Variants in PPP3CC observed in about 807,000 individuals in gnomAD.
PPP3CC encodes the protein protein phosphatase 3 catalytic subunit gamma.
A neutral mutation model predicts 60.3 loss-of-function variants in PPP3CC; 35 were observed. The ratio of observed to expected loss-of-function variants is 0.58; its 90% CI spans 0.44 to 0.77. The LOEUF is 0.77. Ranked by LOEUF, PPP3CC falls within the 30% of genes least tolerant of loss-of-function variation. PPP3CC has a pLI of 0.00. For synonymous variants in PPP3CC, 206 were observed against 224.3 expected (o/e 0.92, Z 0.73); for missense variants, 570 against 628.9 (o/e 0.91, Z 1.00).
At chr8:22,480,627 C>A (rs1041422453) in intron 3 of PPP3CC, among the ~76,000 whole-genome samples, 3 of 152,048 alleles carry the variant, frequency 2.0e-5, no homozygotes, top group Non-Finnish European at 4.4e-5. Context: ...TACAGCCCCC[C>A]ACCACCATGC....
intron 3 of PPP3CC, among the ~76,000 whole-genome samples, chr8:22,483,473 A>G (rs905334766): frequency 6.6e-6 from 1 of 152,050 alleles, no homozygotes; most frequent in Non-Finnish European, 1.5e-5. Flanking sequence ...TTTTTAGTAG[A>G]GACTGTGTTT....
intron 1 of PPP3CC, among the ~76,000 whole-genome samples, chr8:22,471,892 T>G (rs1308942047): frequency 1.3e-5 from 2 of 152,154 alleles, no homozygotes; most frequent in Non-Finnish European, 2.9e-5. Context: ...TTTGGGATGC[T>G]GAGGTCGGCA....
intron 4 of PPP3CC, among the ~76,000 whole-genome samples, chr8:22,501,922 G>A (rs1838773707): frequency 6.6e-6 from 1 of 152,232 alleles, no homozygotes; most frequent in Non-Finnish European, 1.5e-5. Context: ...GGCCAGTTAA[G>A]AAGCTGAGAC....
intron 3 of PPP3CC, among the ~76,000 whole-genome samples, chr8:22,491,006 G>A (rs1002000605): frequency 3.9e-5 from 6 of 152,062 alleles, no homozygotes; most frequent in African/African-American, 7.2e-5. Flanking sequence ...ACTACTATAC[G>A]TGCCTCTAGT....
chr8:22,443,428 C>T (rs1021961684), intron 1 of PPP3CC, among the ~76,000 whole-genome samples: 2 of 147,550 alleles, frequency 1.4e-5, no homozygotes, highest in South Asian at 2.1e-4. Context: ...GTCTGAGGCA[C>T]GAGAATTGCT....
At chr8:22,458,873 A>G (rs1310474794) in intron 1 of PPP3CC, among the ~76,000 whole-genome samples, 1 of 152,078 alleles carries the variant, frequency 6.6e-6, no homozygotes, top group African/African-American at 2.4e-5. Flanking sequence ...CCTACCTCTT[A>G]TTATTGAGAA....
chr8:22,501,886 G>A (rs936912335), intron 4 of PPP3CC, among the ~76,000 whole-genome samples: 1 of 152,178 alleles, frequency 6.6e-6, no homozygotes, highest in African/African-American at 2.4e-5. Flanking sequence ...CAGTCAGCCT[G>A]CATGGTGGTA....
At chr8:22,451,007 C>CTT (rs532339719) in intron 1 of PPP3CC, among the ~76,000 whole-genome samples, 8,631 of 131,868 alleles carry the variant, frequency 0.065, 315 homozygotes, top group South Asian at 0.17. Flanking sequence ...GCTAATTTTT[C>CTT]TTTTTTTTTT....
At chr8:22,497,264 G>A (rs1439556518) in intron 3 of PPP3CC, among the ~76,000 whole-genome samples, 4 of 151,938 alleles carry the variant, frequency 2.6e-5, no homozygotes, top group Admixed American at 1.3e-4. Flanking sequence ...CCCGACCTCC[G>A]GTGATCTGCC....
rs751177499 is a variant in PPP3CC at position 22,522,768 on chromosome 8, A to C, written c.943+19A>C. ...AATAAAGGTAAAGGAATCCAGCAAT[A>C]TTTGAGTTTGAATTTATGAGTAAAC... On this transcript the variant is annotated intron_variant, in intron 8 of 13. Transcript: ENST00000240139. The C allele has an allele frequency of 1.6e-5, 24 of 1,517,028 alleles. No individual in the cohort carries two copies. Among genetic ancestry groups the C allele is most frequent in the Non-Finnish European group, 2.1e-5 (23 of 1,094,032 alleles). The allele number at this position is 1,517,028 out of a possible 1,614,324, so 94.0% of individuals were successfully genotyped here.
intron 3 of PPP3CC, among the ~76,000 whole-genome samples, chr8:22,489,118 G>A (rs1158027032): frequency 6.6e-6 from 1 of 151,862 alleles, no homozygotes; most frequent in African/African-American, 2.4e-5. Context: ...AAGGTCAGTT[G>A]ACTTTTGGAG....
chr8:22,484,442 C>T (rs142002167), intron 3 of PPP3CC, among the ~76,000 whole-genome samples: 39 of 152,182 alleles, frequency 2.6e-4, no homozygotes, highest in Admixed American at 1.1e-3. Context: ...GTAAAACACT[C>T]ACCAATTTAT....
intron 3 of PPP3CC, among the ~76,000 whole-genome samples, chr8:22,485,812 A>G (rs1020868282): frequency 1.3e-5 from 2 of 152,216 alleles, no homozygotes; most frequent in Non-Finnish European, 2.9e-5. Context: ...GGTTTTATGA[A>G]AAAGCGAAAT....
chr8:22,532,240 G>T lies in PPP3CC; in HGVS notation c.1157G>T (p.Arg386Leu). ...ATTCTCTAAGGAAGCACTACAGTTC[G>T]TAAGGAGATCATCAGGAATAAGATC... ...DDEAEGSTTV[R>L]KEIIRNKIRA... Residue 386 changes from arginine (R) to leucine (L), a missense_variant, in exon 11 of 14, where the codon CGT becomes CTT. By Grantham distance (102) the Arg-to-Leu change is moderately radical. Transcript: ENST00000240139. The T allele has an allele frequency of 6.2e-7, 1 of 1,612,032 alleles. No individual in the cohort carries two copies. The highest frequency in any genetic ancestry group is 8.5e-7 in the Non-Finnish European group (1 of 1,178,158).
intron 3 of PPP3CC, among the ~76,000 whole-genome samples, chr8:22,490,349 A>T (rs1414044043): frequency 6.6e-6 from 1 of 152,128 alleles, no homozygotes; most frequent in Non-Finnish European, 1.5e-5. Context: ...TTCCCAGGTG[A>T]TGCTGTTTAC....
At chr8:22,459,100 A>G (rs1035894241) in intron 1 of PPP3CC, among the ~76,000 whole-genome samples, 4 of 151,314 alleles carry the variant, frequency 2.6e-5, no homozygotes, top group Non-Finnish European at 5.9e-5. Context: ...AGAGTCTAGC[A>G]CTGCTGCCCA....
chr8:22,522,527 T>C lies in PPP3CC; in HGVS notation c.807T>C (p.Asn269=), dbSNP rs1401722185. 3 of 1,612,460 alleles carry C rather than the reference T, an allele frequency of 1.9e-6. No homozygotes were observed. Among genetic ancestry groups the C allele is most frequent in the South Asian group, 1.1e-5 (1 of 90,538 alleles). Residue 269 remains asparagine, a synonymous_variant, in exon 7 of 14, where the codon AAT becomes AAC. Coordinates refer to ENST00000240139, the MANE Select transcript of PPP3CC (RefSeq NM_005605.5). ...PAVCEFLQNN[N]LLSIIRAHEA... ...TTTGTGAATTTTTGCAGAACAATAATTTACTATCAATTATCAGAGCCCATG... is the reference window on the plus strand; with the variant it reads ...TTTGTGAATTTTTGCAGAACAATAACTTACTATCAATTATCAGAGCCCATG...
At chr8:22,525,535 TTTCTCTCC>T (rs1187909466) in intron 8 of PPP3CC, among the ~76,000 whole-genome samples, 7,137 of 76,550 alleles carry the variant, frequency 0.093, 232 homozygotes, top group African/African-American at 0.11. Context: ...TCTTTCTTTC[TTTCTCTCC>T]CTCTCTCTCT....
chr8:22,482,744 G>A lies in PPP3CC; in HGVS notation c.372+7120G>A, dbSNP rs139985782. ...ACTTACATAACCTGGAAATCAAACCGGATGAAAAGAGTACTTGAATTAATC... is the reference window on the plus strand; with the variant it reads ...ACTTACATAACCTGGAAATCAAACCAGATGAAAAGAGTACTTGAATTAATC... On this transcript the variant is annotated intron_variant, in intron 3 of 13. Transcript: ENST00000240139. Among the ~76,000 whole-genome samples, 13 of 152,250 alleles carry A rather than the reference G, an allele frequency of 8.5e-5. No homozygotes were observed. In the East Asian group the frequency reaches 1.5e-3, roughly 18 times the overall value.
Sources: allele counts gnomAD v4.1 joint callset (sites outside exome capture counted in the v4.1 genomes callset), GRCh38; gene constraint gnomAD v4.1.1; transcripts MANE v1.5; gene names NCBI Gene and HGNC (gene_info 2026-07-23, HGNC 2026-07-21).